The following EXOC2 variants were observed in gnomAD, a reference collection of about 807,000 sequenced individuals.
EXOC2 encodes exocyst complex component 2, also known as SEC5-like 1.
EXOC2 carries 70 observed loss-of-function variants against 131.8 expected under a neutral mutation model. The observed-to-expected ratio is 0.53, with a 90% CI of 0.44 to 0.65. EXOC2 has a LOEUF of 0.65. Among genes scored for constraint, EXOC2 ranks in the 30% least tolerant of loss-of-function variants. The pLI is 0.00. For synonymous variants in EXOC2, 411 were observed against 398.4 expected, an observed-to-expected ratio of 1.03 and a Z score of -0.38; for missense variants, 923 against 1,108.6, an observed-to-expected ratio of 0.83 and a Z score of 2.38.
At chr6:646,057 C>T (rs1436254340) in intron 1 of EXOC2, among the ~76,000 whole-genome samples, 2 of 152,138 alleles carry the variant, frequency 1.3e-5, no homozygotes, top group African/African-American at 4.8e-5. Context: ...GTCTGATCAT[C>T]CCTGTTGATT....
chr6:636,037 T>A (rs563212590), intron 2 of EXOC2, among the ~76,000 whole-genome samples: 6 of 152,372 alleles, frequency 3.9e-5, no homozygotes, highest in African/African-American at 9.6e-5. Context: ...CACTCTAGCC[T>A]GGCAACAGAG....
chr6:546,162 A>G (rs1756842983), intron 22 of EXOC2, among the ~76,000 whole-genome samples: 1 of 152,066 alleles, frequency 6.6e-6, no homozygotes, highest in South Asian at 2.1e-4. Context: ...TTTAAGAATA[A>G]CGGTTGGATC....
intron 8 of EXOC2, 59 bp downstream of exon 8, chr6:599,021 A>G (rs1759976722): frequency 1.3e-6 from 2 of 1,565,414 alleles, no homozygotes; most frequent in East Asian, 2.3e-5. Context: ...ACATCTTAAA[A>G]AATCTTAAAA....
intron 1 of EXOC2, among the ~76,000 whole-genome samples, chr6:647,432 G>A (rs1348715000): frequency 6.6e-6 from 1 of 150,492 alleles, no homozygotes; most frequent in Non-Finnish European, 1.5e-5. Flanking sequence ...GACACAACTG[G>A]TATCTAGTCT....
Position 485,998 on chromosome 6 carries a change from T to A in EXOC2, c.*673A>T, listed in dbSNP as rs1231868881. ...TGCATGTGTAGTGACGCACGACAAA[T>A]TAAGAGTGAGTGAGAATGAAAGCTC... On this transcript the variant is annotated 3_prime_UTR_variant, in exon 28 of 28. Transcript: ENST00000230449. The A allele has an allele frequency of 1.3e-5, 2 of 152,076 alleles. No individual in the cohort carries two copies. The highest frequency in any genetic ancestry group is 2.9e-5 in the Non-Finnish European group (2 of 68,022). 9.4% of individuals were successfully genotyped at this position (152,076 alleles called of 1,614,324 possible). A position where few individuals can be genotyped will look rare whatever the true frequency, so the allele number is the denominator to read the frequency against.
intron 5 of EXOC2, 64 bp from the exon 6 acceptor site, chr6:617,899 CT>C (rs1054832662): frequency 6.4e-7 from 1 of 1,565,146 alleles, no homozygotes; most frequent in African/African-American, 1.4e-5. Flanking sequence ...AAAATAATTC[CT>C]TCAGTGGAGA....
rs551173043 is a variant in EXOC2, at chr6:530,647, C to T, written c.2380+1822G>A. On this transcript the variant is annotated intron_variant, in intron 23 of 27. Transcript: ENST00000230449. ...GACTAGGCACAGGGTTCACAGTGCA[C>T]GAAGCACCCAGCCTGCCTGCTGCCT... Among the ~76,000 whole-genome samples, 18 of 152,292 alleles carry T rather than the reference C, an allele frequency of 1.2e-4. 1 individual carries two copies. In the East Asian group the frequency reaches 2.3e-3, roughly 20 times the overall value.
At chr6:613,036 T>A (rs1263686630) in intron 6 of EXOC2, among the ~76,000 whole-genome samples, 1 of 151,798 alleles carries the variant, frequency 6.6e-6, no homozygotes. Context: ...TACAAACAGC[T>A]CCAGGAACCT....
intron 13 of EXOC2, among the ~76,000 whole-genome samples, chr6:566,726 T>C (rs546645543): frequency 2.8e-4 from 42 of 152,278 alleles, no homozygotes; most frequent in African/African-American, 9.6e-4. Flanking sequence ...GTCTAGTTTG[T>C]TCCCGTGGCT....
At chr6:651,043 T>A (rs905526544) in intron 1 of EXOC2, among the ~76,000 whole-genome samples, 1 of 151,852 alleles carries the variant, frequency 6.6e-6, no homozygotes, top group South Asian at 2.1e-4. Flanking sequence ...TTTTTTTTTT[T>A]TTTGAGGCAG....
Position 629,900 on chromosome 6 carries a change from G to C in EXOC2, c.357C>G (p.Asp119Glu). The C allele has an allele frequency of 6.2e-7, 1 of 1,614,134 alleles. No individual in the cohort carries two copies. Among genetic ancestry groups the C allele is most frequent in the Non-Finnish European group, 8.5e-7 (1 of 1,179,984 alleles). The change falls in exon 4 of 28, where the codon GAC becomes GAG. Residue 119 changes from aspartate (D) to glutamate (E), a missense_variant. Coordinates refer to ENST00000230449, the MANE Select transcript of EXOC2 (RefSeq NM_018303.6). The stretch of plus-strand genomic sequence containing the variant: ...ACAAGGGCGGAATTCCTTTGTTCCT[G>C]TCAGTGCGCATATCATAATAATTCA... ...DEMNYYDMRT[D>E]RNKGIPPLSL...
At chr6:654,578 T>C (rs1263688219) in intron 1 of EXOC2, among the ~76,000 whole-genome samples, 3 of 151,438 alleles carry the variant, frequency 2.0e-5, no homozygotes, top group East Asian at 1.9e-4. Flanking sequence ...GGCGGGAGGA[T>C]TGCTTGAGGA....
At chr6:663,474 G>A (rs1482418247) in intron 1 of EXOC2, among the ~76,000 whole-genome samples, 1 of 152,016 alleles carries the variant, frequency 6.6e-6, no homozygotes, top group Non-Finnish European at 1.5e-5. Flanking sequence ...AACCAGGAAA[G>A]GACATAACAA....
intron 22 of EXOC2, among the ~76,000 whole-genome samples, chr6:547,728 C>T (rs975149160): frequency 2.8e-4 from 42 of 151,878 alleles, no homozygotes; most frequent in African/African-American, 9.7e-4. Flanking sequence ...ATATTCAAGA[C>T]GGTCGATGAA....
At chr6:517,884 G>C (rs1163870370) in intron 23 of EXOC2, among the ~76,000 whole-genome samples, 1 of 152,162 alleles carries the variant, frequency 6.6e-6, no homozygotes, top group Non-Finnish European at 1.5e-5. Flanking sequence ...TAGAATATGA[G>C]AAAATCTACA....
At chr6:545,831 G>A (rs76166462) in intron 22 of EXOC2, among the ~76,000 whole-genome samples, 83 of 152,008 alleles carry the variant, frequency 5.5e-4, no homozygotes, top group East Asian at 2.3e-3. Context: ...GTATGGGAGA[G>A]GTTAAAAATA....
intron 23 of EXOC2, among the ~76,000 whole-genome samples, chr6:508,403 G>A (rs1232091465): frequency 1.3e-5 from 2 of 152,084 alleles, no homozygotes; most frequent in African/African-American, 4.8e-5. Flanking sequence ...CAACCGTTAC[G>A]GTAACACACA....
chr6:598,652 G>A (rs939174645), intron 9 of EXOC2, among the ~76,000 whole-genome samples: 4 of 152,174 alleles, frequency 2.6e-5, no homozygotes, highest in African/African-American at 9.7e-5. Flanking sequence ...CGTCTCAGGC[G>A]AACAACCTAG....
chr6:551,284 C>T (rs1191705673), intron 21 of EXOC2, among the ~76,000 whole-genome samples: 8 of 152,264 alleles, frequency 5.3e-5, no homozygotes, highest in South Asian at 4.1e-4. Flanking sequence ...CTTCTGACTC[C>T]GAATCTAGAT....
Sources: gnomAD v4.1 joint callset for allele counts (sites outside exome capture counted in the v4.1 genomes callset) on GRCh38, gnomAD v4.1.1 for gene constraint, MANE v1.5 for transcripts, NCBI Gene and HGNC (gene_info 2026-07-23, HGNC 2026-07-21) for gene names.